The following CDC14A variants were observed in gnomAD, a reference collection of about 807,000 sequenced individuals.
CDC14A encodes the protein cell division cycle 14A, also known as dual specificity protein phosphatase CDC14A.
CDC14A carries 53 observed loss-of-function variants against 74.4 expected under a neutral mutation model. The ratio of observed to expected loss-of-function variants is 0.71; its 90% confidence interval spans 0.57 to 0.89. CDC14A has a LOEUF of 0.89. Ranked by LOEUF, CDC14A falls within the 40% of genes least tolerant of loss-of-function variation. CDC14A has a pLI of 0.00. For synonymous variants in CDC14A, 247 were observed against 258.4 expected (o/e 0.96, Z 0.43); for missense variants, 646 against 713.7 (o/e 0.91, Z 1.08).
chr1:100,408,840 C>G (rs748892661), intron 4 of CDC14A, among the ~76,000 whole-genome samples: 1 of 152,162 alleles, frequency 6.6e-6, no homozygotes, highest in Non-Finnish European at 1.5e-5. Flanking sequence ...TTTATAATTT[C>G]TTTATGTTGG....
intron 8 of CDC14A, among the ~76,000 whole-genome samples, chr1:100,456,952 C>T (rs1325915323): frequency 6.6e-6 from 1 of 152,166 alleles, no homozygotes; most frequent in Non-Finnish European, 1.5e-5. Flanking sequence ...TAACCTCTGT[C>T]ATTTTGGGTT....
intron 5 of CDC14A, among the ~76,000 whole-genome samples, chr1:100,425,414 A>T (rs771321291): frequency 6.6e-6 from 1 of 152,032 alleles, no homozygotes; most frequent in Non-Finnish European, 1.5e-5. Flanking sequence ...TCTGCTGTAA[A>T]CTCTCAGAGG....
chr1:100,435,554 C>T (rs943528347), intron 5 of CDC14A, among the ~76,000 whole-genome samples: 2 of 152,080 alleles, frequency 1.3e-5, no homozygotes, highest in Non-Finnish European at 2.9e-5. Context: ...TGAGACTGGG[C>T]GCGGTGGCTC....
At position 100,515,891 on chromosome 1, in the gene CDC14A, A is replaced by G. The variant is rs28364913; in HGVS notation, c.1756-2360A>G. 5.8e-3 allele frequency among the ~76,000 whole-genome samples: 878 copies of G among 152,352 alleles called. 7 individuals carry two copies. Among genetic ancestry groups the G allele is most frequent in the African/African-American group, 0.017 (703 of 41,582 alleles). On this transcript the variant is annotated intron_variant, in intron 15 of 15. Coordinates refer to ENST00000336454, the MANE Select transcript of CDC14A (RefSeq NM_003672.4). ...TTTTATCCTCTAGTGCTTAATAGAT[A>G]CAACTTATGTTCAGTAATTATTTGT...
intron 7 of CDC14A, among the ~76,000 whole-genome samples, chr1:100,451,406 C>T (rs1666134834): frequency 6.6e-6 from 1 of 152,168 alleles, no homozygotes; most frequent in Non-Finnish European, 1.5e-5. Context: ...CACCGTCTCC[C>T]TCAAAAGCAA....
At chr1:100,377,305 G>T (rs1327704328) in intron 2 of CDC14A, among the ~76,000 whole-genome samples, 4 of 152,146 alleles carry the variant, frequency 2.6e-5, no homozygotes, top group Non-Finnish European at 5.9e-5. Context: ...CTCCCAAAGT[G>T]CTGGGATTAC....
intron 12 of CDC14A, among the ~76,000 whole-genome samples, chr1:100,495,670 A>T (rs1647677896): frequency 1.3e-5 from 2 of 152,224 alleles, no homozygotes; most frequent in Admixed American, 1.3e-4. Context: ...TTTTGCCGGT[A>T]TGGTAAACAC....
chr1:100,473,743 G>C (rs1040677722), intron 10 of CDC14A, among the ~76,000 whole-genome samples: 24 of 151,748 alleles, frequency 1.6e-4, no homozygotes, highest in Admixed American at 1.6e-3. Flanking sequence ...TTATATGGGA[G>C]TGTGTGTGTG....
chr1:100,395,537 A>G (rs922438173), intron 4 of CDC14A, among the ~76,000 whole-genome samples: 22 of 152,204 alleles, frequency 1.4e-4, no homozygotes, highest in African/African-American at 4.3e-4. Flanking sequence ...CTCTGTTGCT[A>G]TCACCTAGCC....
intron 5 of CDC14A, among the ~76,000 whole-genome samples, chr1:100,427,291 A>G (rs1424475842): frequency 3.9e-5 from 6 of 152,204 alleles, no homozygotes; most frequent in African/African-American, 1.4e-4. Flanking sequence ...TTTTTTAAAA[A>G]TGAAGATGAT....
chr1:100,492,358 AG>A (rs1670789376), intron 11 of CDC14A, among the ~76,000 whole-genome samples: 1 of 152,168 alleles, frequency 6.6e-6, no homozygotes. Flanking sequence ...CCACTTCCAA[AG>A]GGGGAAACCT....
At chr1:100,462,935 G>A (rs1667458666) in intron 9 of CDC14A, 54 bp downstream of exon 9, 1 of 1,353,770 alleles carries the variant, frequency 7.4e-7, no homozygotes, top group South Asian at 1.2e-5. Context: ...GGCGGGCCAA[G>A]GAAGAGCAAA....
chr1:100,367,306 A>C (rs1281535491), intron 2 of CDC14A, among the ~76,000 whole-genome samples: 1 of 152,144 alleles, frequency 6.6e-6, no homozygotes, highest in East Asian at 1.9e-4. Context: ...TTTTATTTTG[A>C]ATTTCCCTCT....
At chr1:100,419,874 A>T (rs1203564278) in intron 4 of CDC14A, among the ~76,000 whole-genome samples, 3 of 151,504 alleles carry the variant, frequency 2.0e-5, no homozygotes, top group African/African-American at 7.3e-5. Flanking sequence ...CAAGTAAAAT[A>T]TTAAACAAAT....
intron 3 of CDC14A, among the ~76,000 whole-genome samples, chr1:100,378,791 G>A (rs1655662539): frequency 6.6e-6 from 1 of 152,062 alleles, no homozygotes; most frequent in Non-Finnish European, 1.5e-5. Flanking sequence ...AACTTTTGTA[G>A]GAATTAACTT....
chr1:100,490,783 CT>C (rs1205602645), intron 11 of CDC14A, among the ~76,000 whole-genome samples: 1 of 152,092 alleles, frequency 6.6e-6, no homozygotes, highest in Non-Finnish European at 1.5e-5. Context: ...ACCCTCCTGG[CT>C]GGTAAACATA....
rs140696084 is a variant in CDC14A, at chr1:100,482,467, A to C, written c.978-1825A>C. On this transcript the variant is annotated intron_variant, in intron 10 of 15. Coordinates refer to ENST00000336454, the MANE Select transcript of CDC14A (RefSeq NM_003672.4). ...ACTCTTAGCTGGGTAAGTCCTGCTC[A>C]TCTTTCCAGATACTTCTGGAATGTT... 2.0e-5 allele frequency among the ~76,000 whole-genome samples: 3 copies of C among 152,260 alleles called. No individual in the cohort carries two copies. The East Asian group carries it at 5.8e-4, about 29-fold the overall frequency.
chr1:100,399,791 C>T (rs532948625), intron 4 of CDC14A, among the ~76,000 whole-genome samples: 11 of 151,590 alleles, frequency 7.3e-5, no homozygotes, highest in Non-Finnish European at 1.3e-4. Context: ...TTGCTTGAGG[C>T]CAGGAGTTTG....
chr1:100,487,353 G>A (rs1465897773), intron 11 of CDC14A, among the ~76,000 whole-genome samples: 1 of 152,146 alleles, frequency 6.6e-6, no homozygotes, highest in Non-Finnish European at 1.5e-5. Context: ...GAGGTCAGGA[G>A]TTTGAGACCA....
Sources: allele counts gnomAD v4.1 joint callset (sites outside exome capture counted in the v4.1 genomes callset), GRCh38; gene constraint gnomAD v4.1.1; transcripts MANE v1.5; gene names NCBI Gene and HGNC (gene_info 2026-07-23, HGNC 2026-07-21).